The following TBC1D15 variants were observed in gnomAD, a reference collection of about 807,000 sequenced individuals.
TBC1D15 encodes GAP for RAB7.
TBC1D15 carries 39 observed loss-of-function variants against 95.4 expected under a neutral mutation model. The ratio of observed to expected loss-of-function variants is 0.41; its 90% confidence interval spans 0.32 to 0.53. The LOEUF (loss-of-function observed/expected upper bound fraction) is 0.53, where lower values mean the gene tolerates loss of function less well. Ranked by LOEUF, TBC1D15 falls within the 20% of genes least tolerant of loss-of-function variation. The pLI is 0.29. For missense variants in TBC1D15, 733 were observed against 794.3 expected (o/e 0.92, Z 0.93); for synonymous variants, 258 against 261.3 (o/e 0.99, Z 0.12).
At chr12:71,901,976 T>C (rs1205753341) in intron 10 of TBC1D15, among the ~76,000 whole-genome samples, 1 of 152,130 alleles carries the variant, frequency 6.6e-6, no homozygotes, top group Non-Finnish European at 1.5e-5. Context: ...ATGAAGGATG[T>C]GATCCCATTC....
intron 12 of TBC1D15, among the ~76,000 whole-genome samples, chr12:71,914,452 T>C (rs1903193918): frequency 6.6e-6 from 1 of 152,060 alleles, no homozygotes; most frequent in Non-Finnish European, 1.5e-5. Flanking sequence ...TGTCTATATA[T>C]ACATGTTAGT....
rs372749610 is a variant in TBC1D15 at position 71,896,090 on chromosome 12, C to G, written c.984+15C>G. 3.2e-6 allele frequency: 5 copies of G among 1,587,286 alleles called. No individual in the cohort carries two copies. Among genetic ancestry groups the G allele is most frequent in the Admixed American group, 1.7e-5 (1 of 58,866 alleles). On this transcript the variant is annotated intron_variant, in intron 8 of 16. Transcript: ENST00000485960. The stretch of plus-strand genomic sequence containing the variant: ...TATTTAGAGGGGTAATTTAAACACT[C>G]TAATATGGCTTGTCTTATAAACTCC...
chr12:71,893,132 TTTG>T, intron 5 of TBC1D15, 87 bp from the exon 6 acceptor site: 1 of 657,430 alleles, frequency 1.5e-6, no homozygotes, highest in Admixed American at 4.2e-5. Context: ...TTTTTTTTTT[TTTG>T]GTAAGGAACA....
intron 3 of TBC1D15, among the ~76,000 whole-genome samples, chr12:71,876,828 T>C (rs1342854459): frequency 6.6e-6 from 1 of 151,766 alleles, no homozygotes; most frequent in African/African-American, 2.4e-5. Context: ...TTGTTTTTTT[T>C]GAGACAGAGT....
At chr12:71,920,041 C>T (rs1044353530) in intron 14 of TBC1D15, among the ~76,000 whole-genome samples, 1 of 152,042 alleles carries the variant, frequency 6.6e-6, no homozygotes, top group Non-Finnish European at 1.5e-5. Flanking sequence ...CGGGTATGAT[C>T]TCATGGTATG....
intron 1 of TBC1D15, among the ~76,000 whole-genome samples, chr12:71,856,683 T>A (rs898086546): frequency 1.3e-5 from 2 of 152,200 alleles, no homozygotes; most frequent in African/African-American, 4.8e-5. Context: ...TGCTCTTTCT[T>A]TGCTTCCTGT....
At position 71,896,058 on chromosome 12, in the gene TBC1D15, C is replaced by T. The variant is rs1898088034; in HGVS notation, c.967C>T (p.Gln323Ter). The T allele has an allele frequency of 1.2e-6, 2 of 1,609,136 alleles. No individual in the cohort carries two copies. The highest frequency in any genetic ancestry group is 1.7e-6 in the Non-Finnish European group (2 of 1,176,662). Residue 323 changes from glutamine (Q) to a stop codon, truncating the protein, a stop_gained, in exon 8 of 17, where the codon CAG becomes TAG. Coordinates refer to ENST00000485960, the MANE Select transcript of TBC1D15 (RefSeq NM_001146213.3). LOFTEE classifies it high-confidence loss of function. The stretch of plus-strand genomic sequence containing the variant: ...AATTTTAAATGTAGATAATATGAAG[C>T]AGATGATATTTAGAGGGGTAATTTA... ...GRILNVDNMKQMIFRGGLSHA... is the reference protein window; with the variant it reads ...GRILNVDNMK
chr12:71,879,135 C>CT lies in TBC1D15; in HGVS notation c.205-1321dup, dbSNP rs370132097. ...TTCCCTTACCTGTCTCTCTCTCTCT[C>CT]TTTTTTTTTTTTTGGAGACGCAGTT... On this transcript the variant is annotated intron_variant, in intron 3 of 16. Transcript: ENST00000485960. Among the ~76,000 whole-genome samples the CT allele has an allele frequency of 7.2e-3, 1,047 of 144,568 alleles. 10 individuals are homozygous for CT. Among genetic ancestry groups the CT allele is most frequent in the Middle Eastern group, 0.022 (6 of 276 alleles). 94.8% of individuals were successfully genotyped at this position (144,568 alleles called of 152,430 possible).
At chr12:71,905,687 G>T (rs1900518694) in intron 10 of TBC1D15, among the ~76,000 whole-genome samples, 1 of 151,928 alleles carries the variant, frequency 6.6e-6, no homozygotes, top group African/African-American at 2.4e-5. Context: ...TATTACTTTT[G>T]CTTATTTGAG....
intron 1 of TBC1D15, among the ~76,000 whole-genome samples, chr12:71,846,879 G>C (rs1216503984): frequency 6.7e-6 from 1 of 149,532 alleles, no homozygotes; most frequent in African/African-American, 2.5e-5. Context: ...TCCCACTTCA[G>C]CCTCCTGAGT....
intron 1 of TBC1D15, among the ~76,000 whole-genome samples, chr12:71,867,234 AG>A (rs755987627): frequency 1.3e-5 from 2 of 152,246 alleles, no homozygotes; most frequent in Non-Finnish European, 2.9e-5. Context: ...AAGCCATTTC[AG>A]GAACTGTTGT....
At chr12:71,847,992 G>A (rs982571497) in intron 1 of TBC1D15, among the ~76,000 whole-genome samples, 4 of 152,112 alleles carry the variant, frequency 2.6e-5, no homozygotes, top group African/African-American at 9.7e-5. Flanking sequence ...AGCTACTCGG[G>A]AGGCTGAGAC....
chr12:71,844,293 A>G (rs910900252), intron 1 of TBC1D15, among the ~76,000 whole-genome samples: 1 of 152,216 alleles, frequency 6.6e-6, no homozygotes, highest in Non-Finnish European at 1.5e-5. Flanking sequence ...TCAAACTCCT[A>G]AATTCTTTAG....
chr12:71,886,890 C>A (rs374206201), intron 5 of TBC1D15, among the ~76,000 whole-genome samples: 2 of 151,640 alleles, frequency 1.3e-5, no homozygotes, highest in African/African-American at 4.8e-5. Context: ...ATCGGTGTTG[C>A]GATGTAACTC....
At position 71,873,040 on chromosome 12, in the gene TBC1D15, A is replaced by G. The variant is rs377339611; in HGVS notation, c.204+37A>G. 4.6e-5 allele frequency: 64 copies of G among 1,389,610 alleles called. No individual in the cohort carries two copies. The African/African-American group carries it at 7.2e-4, about 16-fold the overall frequency. The allele number at this position is 1,389,610 out of a possible 1,614,324, so 86.1% of individuals were successfully genotyped here. On this transcript the variant is annotated intron_variant, in intron 3 of 16. Coordinates refer to ENST00000485960, the MANE Select transcript of TBC1D15 (RefSeq NM_001146213.3). ...AAAAATGTGTTACTAAGGGAATGCC[A>G]TTTAAAAAATAACAGTATTATCCAT... is the stretch of plus-strand genomic sequence containing the variant.
intron 11 of TBC1D15, among the ~76,000 whole-genome samples, chr12:71,908,958 GT>G (rs906627074): frequency 2.0e-5 from 3 of 152,150 alleles, no homozygotes; most frequent in Non-Finnish European, 4.4e-5. Context: ...TTTAGTTTCT[GT>G]TACCACTGTA....
chr12:71,850,984 CAAAAAAAAAAAAA>C (rs1206992856), intron 1 of TBC1D15, among the ~76,000 whole-genome samples: 1 of 46,956 alleles, frequency 2.1e-5, no homozygotes, highest in Admixed American at 2.6e-4. Flanking sequence ...CACTCCATCT[CAAAAAAAAAAAAA>C]AAAAAAAAAA....
At position 71,858,546 on chromosome 12, in the gene TBC1D15, T is replaced by G. The variant is rs541165331; in HGVS notation, c.31-13524T>G. On this transcript the variant is annotated intron_variant, in intron 1 of 16. Transcript: ENST00000485960. The stretch of plus-strand genomic sequence containing the variant: ...GATTACTGGATCATATGCTAATTTT[T>G]TTTTCTTTTTCTTTTTTTTTTTTTT... 8.9e-4 allele frequency among the ~76,000 whole-genome samples: 132 copies of G among 149,150 alleles called. 4 individuals carry two copies. The highest frequency in any genetic ancestry group is 7.3e-3 in the Admixed American group (111 of 15,140).
At chr12:71,867,782 C>G (rs957512297) in intron 1 of TBC1D15, among the ~76,000 whole-genome samples, 1 of 152,240 alleles carries the variant, frequency 6.6e-6, no homozygotes, top group Non-Finnish European at 1.5e-5. Flanking sequence ...AGCCACCGTA[C>G]CCAGCCAAGG....
Sources: allele counts gnomAD v4.1 joint callset (sites outside exome capture counted in the v4.1 genomes callset), GRCh38; gene constraint gnomAD v4.1.1; transcripts MANE v1.5; gene names NCBI Gene and HGNC (gene_info 2026-07-23, HGNC 2026-07-21).